Variants in FBLN7 observed in about 807,000 individuals in gnomAD.
FBLN7 encodes fibulin-7.
A neutral mutation model predicts 44.0 loss-of-function variants in FBLN7; 31 were observed. That is an observed-to-expected ratio of 0.70 (90% confidence interval 0.53 to 0.95). The LOEUF is 0.95. FBLN7 is among the 40% of genes least tolerant of loss of function. The pLI, the probability that FBLN7 is intolerant of heterozygous loss-of-function variation, is 0.00. For missense variants in FBLN7, 573 were observed against 618.5 expected, an observed-to-expected ratio of 0.93 and a Z score of 0.78; for synonymous variants, 262 against 253.4, an observed-to-expected ratio of 1.03 and a Z score of -0.32.
chr2:112,239,762 T>C, the FBLN7 span, among the ~76,000 whole-genome samples: 2 of 152,034 alleles, frequency 1.3e-5, no homozygotes, highest in Non-Finnish European at 2.9e-5. Flanking sequence ...TTTTTGTATT[T>C]TTGATAGAGA....
At chr2:112,238,204 C>T in the FBLN7 span, 1 of 1,119,502 alleles carries the variant, frequency 8.9e-7, no homozygotes. Flanking sequence ...TTCATGAAAA[C>T]CATAGTCTTA....
At chr2:112,144,469 C>A (rs997253213) in intron 1 of FBLN7, among the ~76,000 whole-genome samples, 2 of 151,960 alleles carry the variant, frequency 1.3e-5, no homozygotes, top group African/African-American at 4.8e-5. Context: ...AAGAATCACC[C>A]AAGCTACAGG....
the FBLN7 span, chr2:112,233,441 C>G: frequency 9.6e-7 from 1 of 1,042,282 alleles, no homozygotes; most frequent in Non-Finnish European, 1.4e-6. Context: ...TTAATTCCTA[C>G]TAAACTTTAA....
chr2:112,190,093 G>A (rs1310951932), downstream of FBLN7: 2 of 152,130 alleles, frequency 1.3e-5, no homozygotes, highest in African/African-American at 4.8e-5. Flanking sequence ...CATTTATATT[G>A]TAGAATTTTT....
chr2:112,230,957 T>TAA, the FBLN7 span: 11 of 1,172,912 alleles, frequency 9.4e-6, no homozygotes, highest in South Asian at 3.3e-5. Flanking sequence ...AAACCTAATA[T>TAA]AAAAAAAAAA....
chr2:112,223,701 G>GAT, the FBLN7 span, among the ~76,000 whole-genome samples: 3 of 152,216 alleles, frequency 2.0e-5, no homozygotes, highest in East Asian at 5.8e-4. Context: ...TAAAATGACT[G>GAT]ATATAATCTA....
chr2:112,151,271 T>C (rs1681148916), intron 1 of FBLN7: 1 of 152,206 alleles, frequency 6.6e-6, no homozygotes, highest in Middle Eastern at 3.2e-3. Context: ...ATTCTTGGAA[T>C]AACTAACATG....
At chr2:112,242,460 C>T in the FBLN7 span, among the ~76,000 whole-genome samples, 2 of 152,194 alleles carry the variant, frequency 1.3e-5, no homozygotes, top group Non-Finnish European at 2.9e-5. Flanking sequence ...CTCATCACTT[C>T]GTAGAGATGC....
chr2:112,241,439 A>ACC, the FBLN7 span, among the ~76,000 whole-genome samples: 1 of 150,720 alleles, frequency 6.6e-6, no homozygotes, highest in African/African-American at 2.4e-5. Flanking sequence ...CTGTCCAGAG[A>ACC]CCCCCCCCTC....
chr2:112,185,429 A>G, intron 7 of FBLN7, 90 bp downstream of exon 7: 1 of 1,497,204 alleles, frequency 6.7e-7, no homozygotes, highest in Non-Finnish European at 9.0e-7. Context: ...GAGAAGGTAC[A>G]GTTATACCAT....
chr2:112,221,629 T>C, the FBLN7 span, among the ~76,000 whole-genome samples: 5 of 152,268 alleles, frequency 3.3e-5, no homozygotes, highest in Non-Finnish European at 7.4e-5. Flanking sequence ...AGCTCTGAGA[T>C]TCCTTCTTCA....
At chr2:112,144,815 G>A (rs530943644) in intron 1 of FBLN7, among the ~76,000 whole-genome samples, 89 of 152,316 alleles carry the variant, frequency 5.8e-4, no homozygotes, top group African/African-American at 2.0e-3. Flanking sequence ...GTGAGCCACC[G>A]TGCCTGGCCT....
intron 3 of FBLN7, among the ~76,000 whole-genome samples, chr2:112,168,778 G>T (rs1448719211): frequency 6.6e-6 from 1 of 152,188 alleles, no homozygotes; most frequent in Non-Finnish European, 1.5e-5. Flanking sequence ...CATGTGTTAT[G>T]ACCACAGAGT....
the FBLN7 span, chr2:112,238,666 C>CCTG: frequency 1.8e-6 from 1 of 562,516 alleles, no homozygotes; most frequent in Non-Finnish European, 2.9e-6. Flanking sequence ...ATATACTATT[C>CCTG]TCTCCACTCA....
At chr2:112,160,279 C>T (rs544490668) in intron 2 of FBLN7, among the ~76,000 whole-genome samples, 27 of 152,296 alleles carry the variant, frequency 1.8e-4, no homozygotes, top group African/African-American at 4.8e-5. Context: ...CGTGGGCCAC[C>T]GCGCCGGGCC....
chr2:112,149,430 C>T (rs1681040491), intron 1 of FBLN7, among the ~76,000 whole-genome samples: 1 of 152,188 alleles, frequency 6.6e-6, no homozygotes, highest in Non-Finnish European at 1.5e-5. Flanking sequence ...GCAGATCGAG[C>T]CAGATGCCTT....
intron 3 of FBLN7, 121 bp from the exon 4 acceptor site, chr2:112,175,592 CA>C: frequency 7.8e-7 from 1 of 1,278,644 alleles, no homozygotes; most frequent in Non-Finnish European, 1.1e-6. Context: ...TGGGTGGGGT[CA>C]GGTAGAAAGT....
the FBLN7 span, among the ~76,000 whole-genome samples, chr2:112,222,094 T>TA: frequency 2.0e-5 from 3 of 152,158 alleles, no homozygotes; most frequent in Admixed American, 1.3e-4. Context: ...GTGGGATCAG[T>TA]TGACTGGCTT....
Position 112,151,104 on chromosome 2 carries a change from C to G in FBLN7, c.76-8572C>G, listed in dbSNP as rs1681138103. ...GAGGGCCCAGCCGGTGCAAAGGCCCCAAGGTGGGTGTAGCCTGGGGAGGTT... is the reference window on the plus strand; with the variant it reads ...GAGGGCCCAGCCGGTGCAAAGGCCCGAAGGTGGGTGTAGCCTGGGGAGGTT... On this transcript the variant is annotated intron_variant, in intron 1 of 7. Transcript: ENST00000331203. 5.9e-5 allele frequency among the ~76,000 whole-genome samples: 9 copies of G among 152,150 alleles called. No homozygotes were observed. The South Asian group carries it at 1.9e-3, about 32-fold the overall frequency.
Sources: gnomAD v4.1 joint callset for allele counts (sites outside exome capture counted in the v4.1 genomes callset) on GRCh38, gnomAD v4.1.1 for gene constraint, MANE v1.5 for transcripts, NCBI Gene and HGNC (gene_info 2026-07-23, HGNC 2026-07-21) for gene names.